CEP85L: variants seen among roughly 807,000 people sequenced by gnomAD.
The protein encoded by CEP85L is centrosomal protein of 85 kDa-like.
Under a neutral mutation model 100.3 loss-of-function variants are expected in CEP85L, and 60 were observed. The observed-to-expected ratio is 0.60, with a 90% CI of 0.49 to 0.74. CEP85L has a LOEUF of 0.74. Ranked by LOEUF, CEP85L falls within the 30% of genes least tolerant of loss-of-function variation. The probability of loss-of-function intolerance (pLI) is 0.00; values close to 1 mark genes in which losing one functional copy is unlikely to be tolerated. For synonymous variants in CEP85L, 319 were observed against 322.7 expected, an observed-to-expected ratio of 0.99 and a Z score of 0.12; for missense variants, 973 against 936.2, an observed-to-expected ratio of 1.04 and a Z score of -0.51.
At chr6:118,524,356 A>C (rs1776843233) in intron 3 of CEP85L, among the ~76,000 whole-genome samples, 1 of 152,186 alleles carries the variant, frequency 6.6e-6, no homozygotes, top group Admixed American at 6.5e-5. Context: ...AGGCAGAAGA[A>C]TGGCGTGAAC....
At chr6:118,527,199 T>C (rs1473706935) in intron 3 of CEP85L, among the ~76,000 whole-genome samples, 1 of 152,026 alleles carries the variant, frequency 6.6e-6, no homozygotes, top group Non-Finnish European at 1.5e-5. Context: ...AGACGGAGGT[T>C]TCTCCATGTT....
intron 1 of CEP85L, among the ~76,000 whole-genome samples, chr6:118,696,681 T>TTTGTTG (rs539223768): frequency 3.3e-5 from 5 of 151,050 alleles, no homozygotes; most frequent in South Asian, 2.1e-4. Context: ...CACAGAGTTT[T>TTTGTTG]TTGTTGTTGT....
intron 1 of CEP85L, among the ~76,000 whole-genome samples, chr6:118,680,313 T>G (rs1226179951): frequency 1.1e-4 from 5 of 47,262 alleles, no homozygotes; most frequent in Non-Finnish European, 1.8e-4. Context: ...TTGCTTTTTT[T>G]TTTTTTTTTT....
rs17339780 is a variant in CEP85L, at chr6:118,502,612, G to C, written c.1257+8686C>G. On this transcript the variant is annotated intron_variant, in intron 5 of 12. Transcript: ENST00000368491. ...GAAGTTTTTGACTCTTGAAGAAGCT[G>C]AAGTATTCCAGAAGAAACCTGATGA... 4.9e-3 allele frequency: 2,348 copies of C among 481,930 alleles called. 127 individuals carry two copies. The Admixed American group carries it at 0.066, about 14-fold the overall frequency. 29.9% of individuals were successfully genotyped at this position (481,930 alleles called of 1,614,324 possible).
intron 2 of CEP85L, among the ~76,000 whole-genome samples, chr6:118,630,481 C>T (rs1583195789): frequency 6.6e-6 from 1 of 152,184 alleles, no homozygotes; most frequent in African/African-American, 2.4e-5. Context: ...AAAACCTACA[C>T]ACGGCTGTTT....
intron 2 of CEP85L, among the ~76,000 whole-genome samples, chr6:118,629,918 C>T (rs773417618): frequency 3.3e-5 from 5 of 152,142 alleles, no homozygotes; most frequent in Non-Finnish European, 5.9e-5. Context: ...GTCCAAAAGA[C>T]CCCTTCGTTC....
At chr6:118,651,711 TGCGGGGGGCG>T, upstream of CEP85L, 2 of 228,724 alleles carry the variant, frequency 8.7e-6, no homozygotes, top group Non-Finnish European at 1.1e-5. Context: ...GGGCGGGGAC[TGCGGGGGGCG>T]GGTGAGCTAC....
At chr6:118,674,523 CAAAA>C (rs34699146) in intron 1 of CEP85L, among the ~76,000 whole-genome samples, 1 of 106,346 alleles carries the variant, frequency 9.4e-6, no homozygotes, top group African/African-American at 3.4e-5. Flanking sequence ...GACTCCATCT[CAAAA>C]AAAAAAAAAA....
chr6:118,475,347 ATTTTTTTTTT>A (rs34878583), intron 10 of CEP85L, among the ~76,000 whole-genome samples: 1 of 79,038 alleles, frequency 1.3e-5, no homozygotes, highest in Non-Finnish European at 2.8e-5. Context: ...TGTAGGTGAC[ATTTTTTTTTT>A]TTTTTTTTTT....
At chr6:118,498,659 G>GAGGAA (rs1302823343) in intron 5 of CEP85L, among the ~76,000 whole-genome samples, 12 of 147,756 alleles carry the variant, frequency 8.1e-5, no homozygotes, top group African/African-American at 2.7e-4. Context: ...GGAGGAAAGG[G>GAGGAA]AGGGAGGGAG....
At chr6:118,541,920 G>A (rs1396440768) in intron 3 of CEP85L, among the ~76,000 whole-genome samples, 2 of 152,084 alleles carry the variant, frequency 1.3e-5, no homozygotes, top group Non-Finnish European at 2.9e-5. Context: ...AAATGTAACT[G>A]ACCAAATCTT....
intron 10 of CEP85L, 144 bp downstream of exon 10, chr6:118,479,727 T>C (rs2187945): frequency 0.24 from 105,670 of 434,694 alleles, 16,511 homozygotes; most frequent in East Asian, 0.65. Context: ...AAGATTAATA[T>C]TAAAGAATTT....
chr6:118,621,643 G>A (rs776559102), intron 2 of CEP85L, among the ~76,000 whole-genome samples: 9 of 152,156 alleles, frequency 5.9e-5, no homozygotes, highest in Non-Finnish European at 1.3e-4. Flanking sequence ...AGCTAATCGA[G>A]GGTACAAGGT....
At chr6:118,609,074 A>G (rs1772435480) in intron 2 of CEP85L, among the ~76,000 whole-genome samples, 1 of 152,240 alleles carries the variant, frequency 6.6e-6, no homozygotes, top group Admixed American at 6.5e-5. Flanking sequence ...ATTATTTTTT[A>G]AAGAAATCCA....
In CEP85L at chr6:118,675,747, A is replaced by T. The variant is rs534454247; in HGVS notation, c.-27-22939T>A. ...CGAGACCCCAAGGCAACCCAGTAAG[A>T]CCCTGTCTCTAAAAGAAAAAAATGA... On this transcript the variant is annotated intron_variant, in intron 1 of 13. Transcript: ENST00000368488. 3.3e-5 allele frequency among the ~76,000 whole-genome samples: 5 copies of T among 152,234 alleles called. 1 individual carries two copies. Among genetic ancestry groups the T allele is most frequent in the African/African-American group, 1.2e-4 (5 of 41,524 alleles).
At chr6:118,664,062 A>C (rs1776058779) in intron 1 of CEP85L, among the ~76,000 whole-genome samples, 1 of 151,390 alleles carries the variant, frequency 6.6e-6, no homozygotes, top group Admixed American at 6.6e-5. Flanking sequence ...TGCCTGCCTA[A>C]TTTTTGCATT....
At chr6:118,616,819 C>T (rs961556420) in intron 2 of CEP85L, among the ~76,000 whole-genome samples, 1 of 151,678 alleles carries the variant, frequency 6.6e-6, no homozygotes, top group African/African-American at 2.4e-5. Flanking sequence ...GTGGCGTGCA[C>T]CTGTAATCCC....
At chr6:118,623,050 G>A (rs1773556536) in intron 2 of CEP85L, among the ~76,000 whole-genome samples, 1 of 152,222 alleles carries the variant, frequency 6.6e-6, no homozygotes, top group African/African-American at 2.4e-5. Context: ...GCTCATACCT[G>A]AAGCCAGCCA....
At chr6:118,554,834 A>C (rs182947026) in intron 3 of CEP85L, among the ~76,000 whole-genome samples, 3 of 152,194 alleles carry the variant, frequency 2.0e-5, no homozygotes, top group Non-Finnish European at 4.4e-5. Context: ...GAGATAGAAC[A>C]ACATGTGCAA....
Sources: allele counts gnomAD v4.1 joint callset (sites outside exome capture counted in the v4.1 genomes callset), GRCh38; gene constraint gnomAD v4.1.1; transcripts MANE v1.5; gene names NCBI Gene and HGNC (gene_info 2026-07-23, HGNC 2026-07-21).